VEGFC: variants seen among roughly 807,000 people sequenced by gnomAD.
VEGFC encodes the protein FLT4 ligand DHM.
VEGFC carries 12 observed loss-of-function variants against 46.1 expected under a neutral mutation model. That is an observed-to-expected ratio of 0.26 (90% CI 0.17 to 0.42). The LOEUF is 0.42. Ranked by LOEUF, VEGFC falls within the 10% of genes least tolerant of loss-of-function variation. The pLI is 1.00. For missense variants in VEGFC, 488 were observed against 529.4 expected, an observed-to-expected ratio of 0.92 and a Z score of 0.77; for synonymous variants, 232 against 195.5, an observed-to-expected ratio of 1.19 and a Z score of -1.56.
chr4:176,792,440 G>A lies in VEGFC; in HGVS notation c.-129C>T, dbSNP rs1736117681. On this transcript the variant is annotated 5_prime_UTR_variant, in exon 1 of 7. Transcript: ENST00000618562. This position sits in a 1 kb window ranked among gnomAD's most constrained non-coding sequence, Gnocchi z 6.3. Reference sequence around the variant, plus strand: ...GGCTCCTCCCGGCGACCCCCCCTGGGCGAGCCGGAGGCGGCGGGAGCGGGT... The same window carrying A: ...GGCTCCTCCCGGCGACCCCCCCTGGACGAGCCGGAGGCGGCGGGAGCGGGT... 1.5e-6 allele frequency: 1 copy of A among 672,358 alleles called. No homozygotes were observed. Among genetic ancestry groups the A allele is most frequent in the East Asian group, 3.5e-5 (1 of 28,310 alleles). 41.6% of individuals were successfully genotyped at this position (672,358 alleles called of 1,614,324 possible). A position where few individuals can be genotyped will look rare whatever the true frequency, so the allele number is the denominator to read the frequency against.
At chr4:176,725,291 A>C (rs761328203) in intron 3 of VEGFC, among the ~76,000 whole-genome samples, 7 of 152,136 alleles carry the variant, frequency 4.6e-5, no homozygotes, top group Non-Finnish European at 1.0e-4. Flanking sequence ...CTGGAGACTG[A>C]CATCAGCTCT....
chr4:176,735,206 C>A (rs1032284839), intron 1 of VEGFC, among the ~76,000 whole-genome samples: 1 of 151,888 alleles, frequency 6.6e-6, no homozygotes, highest in African/African-American at 2.4e-5. Context: ...TTTCTGAAAA[C>A]CAGTCTTTCA....
At chr4:176,750,897 G>A (rs1477189160) in intron 1 of VEGFC, among the ~76,000 whole-genome samples, 3 of 151,622 alleles carry the variant, frequency 2.0e-5, no homozygotes, top group African/African-American at 7.2e-5. Flanking sequence ...GAAAACTTCA[G>A]TAGCCCATGG....
intron 1 of VEGFC, among the ~76,000 whole-genome samples, chr4:176,757,992 A>G (rs1003691553): frequency 6.6e-6 from 1 of 152,124 alleles, no homozygotes; most frequent in Non-Finnish European, 1.5e-5. Context: ...CTGAAATTTC[A>G]TATTTCATAA....
At chr4:176,705,577 C>T (rs2110992549) in intron 4 of VEGFC, among the ~76,000 whole-genome samples, 1 of 152,192 alleles carries the variant, frequency 6.6e-6, no homozygotes, top group African/African-American at 2.4e-5. Flanking sequence ...GGCTCTTTAG[C>T]ATTTTACACA....
chr4:176,792,673 A>C lies in VEGFC; in HGVS notation c.-362T>G. ...GAGAGGCGGGGCGGGGGACACCAGA[A>C]CACCCCGCGATGTTCAGCCCCTCCA... On this transcript the variant is annotated 5_prime_UTR_variant, in exon 1 of 7. Coordinates refer to ENST00000618562, the MANE Select transcript of VEGFC (RefSeq NM_005429.5). This position sits in a 1 kb window ranked among gnomAD's most constrained non-coding sequence, Gnocchi z 6.3. 1.7e-5 allele frequency: 3 copies of C among 173,426 alleles called. No homozygotes were observed. Among genetic ancestry groups the C allele is most frequent in the Non-Finnish European group, 2.4e-5 (2 of 82,696 alleles). 10.7% of individuals were successfully genotyped at this position (173,426 alleles called of 1,614,324 possible). A position where few individuals can be genotyped will look rare whatever the true frequency, so the allele number is the denominator to read the frequency against.
At chr4:176,757,397 T>C (rs1019070226) in intron 1 of VEGFC, among the ~76,000 whole-genome samples, 31 of 152,034 alleles carry the variant, frequency 2.0e-4, no homozygotes, top group African/African-American at 7.2e-4. Context: ...AACAACATTA[T>C]CCACCTCTTC....
At chr4:176,757,083 A>G (rs1324249570) in intron 1 of VEGFC, among the ~76,000 whole-genome samples, 1 of 152,158 alleles carries the variant, frequency 6.6e-6, no homozygotes, top group African/African-American at 2.4e-5. Flanking sequence ...GCTAGAAAAG[A>G]GAACTTAAAT....
intron 4 of VEGFC, 31 bp from the exon 5 acceptor site, chr4:176,687,958 G>A (rs1466593533): frequency 7.5e-7 from 1 of 1,339,452 alleles, no homozygotes; most frequent in Non-Finnish European, 1.1e-6. Context: ...GTTTAGCAAT[G>A]GTGTAACTGG....
intron 1 of VEGFC, among the ~76,000 whole-genome samples, chr4:176,770,142 T>C (rs376966489): frequency 2.1e-3 from 320 of 152,322 alleles, no homozygotes; most frequent in Non-Finnish European, 3.6e-3. Flanking sequence ...AAGCTTCCAA[T>C]TGTAGTTGGA....
At chr4:176,775,475 T>C (rs962696743) in intron 1 of VEGFC, among the ~76,000 whole-genome samples, 1 of 152,198 alleles carries the variant, frequency 6.6e-6, no homozygotes, top group African/African-American at 2.4e-5. Context: ...GCCAATCACA[T>C]TTTTTGAATC....
intron 1 of VEGFC, among the ~76,000 whole-genome samples, chr4:176,764,185 G>C (rs2110915592): frequency 6.6e-6 from 1 of 152,288 alleles, no homozygotes; most frequent in South Asian, 2.1e-4. Context: ...GAAACATAAA[G>C]TAAGAGAGGT....
intron 3 of VEGFC, among the ~76,000 whole-genome samples, chr4:176,717,055 G>T: frequency 6.6e-6 from 1 of 152,090 alleles, no homozygotes; most frequent in Middle Eastern, 3.4e-3. Flanking sequence ...ATTATAATTT[G>T]ATATTTTGAA....
chr4:176,688,273 T>G (rs980814353), intron 4 of VEGFC, among the ~76,000 whole-genome samples: 33 of 152,216 alleles, frequency 2.2e-4, no homozygotes, highest in Non-Finnish European at 3.2e-4. Flanking sequence ...CAATATATCA[T>G]GGACATTTTT....
rs992641136 is a variant in VEGFC at position 176,683,868 on chromosome 4, A to G, written c.*58T>C. ...GGTCTCTCTGTTCACAGACAGTTCTACTGTGGCAACACAGTTTTCCATAAT... is the reference window on the plus strand; with the variant it reads ...GGTCTCTCTGTTCACAGACAGTTCTGCTGTGGCAACACAGTTTTCCATAAT... On this transcript the variant is annotated 3_prime_UTR_variant, in exon 7 of 7. Transcript: ENST00000618562. The G allele has an allele frequency of 2.2e-5, 31 of 1,403,562 alleles. No homozygotes were observed. The African/African-American group carries it at 4.0e-4, about 18-fold the overall frequency. 86.9% of individuals were successfully genotyped at this position (1,403,562 alleles called of 1,614,324 possible). A position where few individuals can be genotyped will look rare whatever the true frequency, so the allele number is the denominator to read the frequency against.
At chr4:176,726,449 A>C (rs1734874796) in intron 3 of VEGFC, among the ~76,000 whole-genome samples, 1 of 152,108 alleles carries the variant, frequency 6.6e-6, no homozygotes, top group Admixed American at 6.6e-5. Context: ...AGGCAGAGGC[A>C]AGCTGAATAG....
chr4:176,683,962 A>G lies in VEGFC; in HGVS notation c.1224T>C (p.Cys408=). 1.2e-6 allele frequency: 2 copies of G among 1,614,216 alleles called. No individual in the cohort carries two copies. Among genetic ancestry groups the G allele is most frequent in the South Asian group, 2.2e-5 (2 of 91,086 alleles). The change falls in exon 7 of 7, where the codon TGT becomes TGC. Residue 408 remains cysteine (C), a synonymous_variant. Coordinates refer to ENST00000618562, the MANE Select transcript of VEGFC (RefSeq NM_005429.5). ...GFSYSEEVCR[C]VPSYWKRPQM... ...GTGGTCTTTTCCAATATGAAGGGAC[A>G]CAACGACACACTTCTTCACTATATG...
chr4:176,780,374 T>C, intron 1 of VEGFC, among the ~76,000 whole-genome samples: 1 of 4,686 alleles, frequency 2.1e-4, no homozygotes, highest in Non-Finnish European at 1.1e-3. Flanking sequence ...AGAGCGAGAC[T>C]CCATCTCAAA....
chr4:176,684,745 A>T (rs569605674), intron 6 of VEGFC, among the ~76,000 whole-genome samples: 1 of 152,112 alleles, frequency 6.6e-6, no homozygotes, highest in Non-Finnish European at 1.5e-5. Context: ...TCATTTTTTG[A>T]GACAGAGTCT....
Sources: allele counts gnomAD v4.1 joint callset (sites outside exome capture counted in the v4.1 genomes callset), GRCh38; gene constraint gnomAD v4.1.1; non-coding constraint Gnocchi (gnomAD v3.1); transcripts MANE v1.5; gene names NCBI Gene and HGNC (gene_info 2026-07-23, HGNC 2026-07-21).